The following LRRC37A2 variants were observed in gnomAD, a reference collection of about 807,000 sequenced individuals.
LRRC37A2 encodes the protein leucine rich repeat containing 37 member A2.
A neutral mutation model predicts 68.8 loss-of-function variants in LRRC37A2; 9 were observed. The observed-to-expected ratio is 0.13, with a 90% CI of 0.08 to 0.23. LRRC37A2 has a LOEUF of 0.23. Among genes scored for constraint, LRRC37A2 ranks in the 10% least tolerant of loss-of-function variants. The pLI, the probability that LRRC37A2 is intolerant of heterozygous loss-of-function variation, is 1.00. For synonymous variants in LRRC37A2, 63 were observed against 367.6 expected, an observed-to-expected ratio of 0.17 and a Z score of 9.48; for missense variants, 168 against 950.4, an observed-to-expected ratio of 0.18 and a Z score of 10.82.
the LRRC37A2 span, chr17:46,874,936 G>T: frequency 1.9e-6 from 2 of 1,064,322 alleles, no homozygotes; most frequent in Non-Finnish European, 2.9e-6. Flanking sequence ...TTGACAGGGA[G>T]ACCCACCCGG....
At chr17:46,936,487 C>T in the LRRC37A2 span, 3 of 985,348 alleles carry the variant, frequency 3.0e-6, no homozygotes, top group African/African-American at 3.5e-5. Context: ...CCTGTGGCTA[C>T]CTGGTGTTTG....
the LRRC37A2 span, among the ~76,000 whole-genome samples, chr17:46,934,020 G>A: frequency 1.3e-5 from 2 of 151,896 alleles, no homozygotes; most frequent in Admixed American, 6.5e-5. Context: ...AGAAGGGAAC[G>A]CTCTCACAGC....
the LRRC37A2 span, among the ~76,000 whole-genome samples, chr17:46,951,199 A>G: frequency 8.5e-5 from 13 of 152,182 alleles, no homozygotes; most frequent in African/African-American, 2.9e-4. Flanking sequence ...GAGGAGGCAG[A>G]CAGAGGTGGA....
chr17:46,490,276 A>G, the LRRC37A2 span, among the ~76,000 whole-genome samples: 203 of 151,386 alleles, frequency 1.3e-3, 16 homozygotes, highest in African/African-American at 4.2e-3. Flanking sequence ...CTGTGTTCCA[A>G]TAAAACTTTA....
At chr17:46,493,233 C>T in the LRRC37A2 span, among the ~76,000 whole-genome samples, 1 of 135,450 alleles carries the variant, frequency 7.4e-6, no homozygotes, top group Non-Finnish European at 1.5e-5. Context: ...TCACCACTCA[C>T]TGCAGCCGCC....
At chr17:46,864,951 G>A in the LRRC37A2 span, among the ~76,000 whole-genome samples, 20 of 152,278 alleles carry the variant, frequency 1.3e-4, no homozygotes, top group Non-Finnish European at 2.9e-5. Flanking sequence ...CAGCTCTAAC[G>A]TATAATGGTT....
chr17:47,022,148 G>T, the LRRC37A2 span, among the ~76,000 whole-genome samples: 1 of 102,416 alleles, frequency 9.8e-6, no homozygotes, highest in Non-Finnish European at 2.0e-5. Flanking sequence ...ATAATACATG[G>T]TTATATTCCT....
the LRRC37A2 span, among the ~76,000 whole-genome samples, chr17:46,495,630 C>T: frequency 6.6e-6 from 1 of 151,010 alleles, no homozygotes; most frequent in African/African-American, 2.5e-5. Flanking sequence ...GGTGATTCGT[C>T]TGCCTTGGCC....
At chr17:46,749,934 CTG>C in the LRRC37A2 span, 1 of 1,610,080 alleles carries the variant, frequency 6.2e-7, no homozygotes, top group East Asian at 2.2e-5. Flanking sequence ...GGATTGCACA[CTG>C]TTTATAAGAA....
chr17:46,889,392 A>T, the LRRC37A2 span, among the ~76,000 whole-genome samples: 2 of 152,084 alleles, frequency 1.3e-5, no homozygotes, highest in Non-Finnish European at 2.9e-5. Flanking sequence ...AGCCACAGGG[A>T]AGCAGAGCTG....
chr17:46,844,305 CT>C, the LRRC37A2 span, among the ~76,000 whole-genome samples: 24,565 of 126,424 alleles, frequency 0.19, 1,481 homozygotes, highest in Middle Eastern at 0.24. Flanking sequence ...AGTTAGCCAC[CT>C]TTTTTTTTTT....
the LRRC37A2 span, among the ~76,000 whole-genome samples, chr17:46,821,597 A>G: frequency 6.6e-6 from 1 of 152,254 alleles, no homozygotes; most frequent in East Asian, 1.9e-4. Context: ...CCGGTGGACC[A>G]GGAGGCCATC....
the LRRC37A2 span, among the ~76,000 whole-genome samples, chr17:46,823,479 C>T: frequency 1.3e-5 from 2 of 151,706 alleles, no homozygotes; most frequent in African/African-American, 2.4e-5. Context: ...CACTGTGTCG[C>T]CCAGGCTGGA....
the LRRC37A2 span, among the ~76,000 whole-genome samples, chr17:46,605,386 T>G: frequency 7.9e-6 from 1 of 126,474 alleles, no homozygotes. Flanking sequence ...AGGTGGAGGT[T>G]GCAGTGAGCC....
the LRRC37A2 span, among the ~76,000 whole-genome samples, chr17:46,999,368 T>C: frequency 1.7e-4 from 26 of 152,290 alleles, no homozygotes; most frequent in Admixed American, 1.4e-3. Flanking sequence ...AGTTGCTTTT[T>C]TTCTTTGAGA....
At chr17:47,013,924 C>A in the LRRC37A2 span, among the ~76,000 whole-genome samples, 1 of 152,082 alleles carries the variant, frequency 6.6e-6, no homozygotes, top group Non-Finnish European at 1.5e-5. Context: ...CACCTGAGGT[C>A]GGGAGTTCAA....
the LRRC37A2 span, among the ~76,000 whole-genome samples, chr17:46,900,202 T>TATATACACACAC: frequency 9.9e-6 from 1 of 101,172 alleles, no homozygotes; most frequent in African/African-American, 5.1e-5. Flanking sequence ...TATATATATA[T>TATATACACACAC]ACACACACAC....
At chr17:46,772,370 G>T in the LRRC37A2 span, among the ~76,000 whole-genome samples, 1 of 152,252 alleles carries the variant, frequency 6.6e-6, no homozygotes, top group Non-Finnish European at 1.5e-5. Flanking sequence ...CGCTCCCAGA[G>T]CCGCTTTCCC....
chr17:46,794,141 T>C, the LRRC37A2 span, among the ~76,000 whole-genome samples: 1 of 150,284 alleles, frequency 6.7e-6, no homozygotes, highest in African/African-American at 2.5e-5. Context: ...GGAGAGCAAG[T>C]GAAGGAGGAC....
Sources: allele counts gnomAD v4.1 joint callset (sites outside exome capture counted in the v4.1 genomes callset), GRCh38; gene constraint gnomAD v4.1.1; transcripts MANE v1.5; gene names NCBI Gene and HGNC (gene_info 2026-07-23, HGNC 2026-07-21).